Variants in SPOCK1 observed in about 807,000 individuals in gnomAD.
SPOCK1 encodes testican-1.
Under a neutral mutation model 55.3 loss-of-function variants are expected in SPOCK1, and 23 were observed. The observed-to-expected ratio is 0.42, with a 90% CI of 0.30 to 0.59. SPOCK1 has a LOEUF of 0.59. Ranked by LOEUF, SPOCK1 falls within the 20% of genes least tolerant of loss-of-function variation. The pLI, the probability that SPOCK1 is intolerant of heterozygous loss-of-function variation, is 0.22. For missense variants in SPOCK1, 499 were observed against 552.5 expected (o/e 0.90, Z 0.97); for synonymous variants, 226 against 221.0 (o/e 1.02, Z -0.20).
At chr5:136,996,829 CA>C (rs1270610964) in intron 6 of SPOCK1, among the ~76,000 whole-genome samples, 5 of 152,012 alleles carry the variant, frequency 3.3e-5, no homozygotes, top group Admixed American at 6.5e-5. Flanking sequence ...TGGGAGGGGA[CA>C]AATAAAGGAA....
intron 2 of SPOCK1, among the ~76,000 whole-genome samples, chr5:137,384,228 C>T (rs113846523): frequency 0.085 from 12,987 of 152,228 alleles, 1,258 homozygotes; most frequent in African/African-American, 0.24. Flanking sequence ...GGGAACAAGG[C>T]CTCTGAGGAA....
In SPOCK1 at chr5:137,444,036, A is replaced by G. The variant is rs559223213; in HGVS notation, c.186+54337T>C. Among the ~76,000 whole-genome samples, 3 of 152,204 alleles carry G rather than the reference A, an allele frequency of 2.0e-5. No individual in the cohort carries two copies. The South Asian group carries it at 6.2e-4, about 31-fold the overall frequency. On this transcript the variant is annotated intron_variant, in intron 2 of 10. Transcript: ENST00000394945. ...AACAGGCATAAAGCGTGACACAGTG[A>G]GATGTACAGTCATCCTACCCATGAA...
chr5:137,349,380 A>G lies in SPOCK1; in HGVS notation c.187-82325T>C, dbSNP rs138532089. 1.1e-3 allele frequency among the ~76,000 whole-genome samples: 166 copies of G among 152,342 alleles called. 4 individuals carry two copies. The highest frequency in any genetic ancestry group is 0.01 in the Middle Eastern group (3 of 294). On this transcript the variant is annotated intron_variant, in intron 2 of 10. Transcript: ENST00000394945. ...GAGTTCCTAACTTCAAGCCAGCCCA[A>G]TTCTTGGGACTGAAGATTCAGGTTT...
chr5:137,397,553 C>T (rs1751879382), intron 2 of SPOCK1, among the ~76,000 whole-genome samples: 1 of 152,190 alleles, frequency 6.6e-6, no homozygotes, highest in South Asian at 2.1e-4. Context: ...TGTCCTCTCG[C>T]TCCTCACAAC....
intron 2 of SPOCK1, among the ~76,000 whole-genome samples, chr5:137,295,561 T>C (rs1032136158): frequency 9.2e-5 from 14 of 152,208 alleles, no homozygotes; most frequent in African/African-American, 2.7e-4. Context: ...ACAATTGCAA[T>C]GAAGGCTGAG....
At chr5:137,323,232 T>C (rs1758011672) in intron 2 of SPOCK1, among the ~76,000 whole-genome samples, 1 of 152,180 alleles carries the variant, frequency 6.6e-6, no homozygotes, top group Admixed American at 6.5e-5. Flanking sequence ...TCAAAAGACA[T>C]AGGGTAGTTT....
At chr5:136,984,584 G>A (rs1286188593) in intron 9 of SPOCK1, among the ~76,000 whole-genome samples, 1 of 152,200 alleles carries the variant, frequency 6.6e-6, no homozygotes, top group Non-Finnish European at 1.5e-5. Context: ...AGTTGTGCAT[G>A]TTAGGGGAAC....
intron 2 of SPOCK1, among the ~76,000 whole-genome samples, chr5:137,423,215 T>C (rs971875434): frequency 1.3e-5 from 2 of 152,188 alleles, no homozygotes; most frequent in African/African-American, 4.8e-5. Flanking sequence ...GCCTCCCAGT[T>C]AGGCTACTTA....
intron 2 of SPOCK1, among the ~76,000 whole-genome samples, chr5:137,348,492 G>A (rs1750609222): frequency 6.6e-6 from 1 of 152,188 alleles, no homozygotes; most frequent in East Asian, 1.9e-4. Flanking sequence ...GGGTGCGGCA[G>A]GGGCATAGCG....
intron 2 of SPOCK1, among the ~76,000 whole-genome samples, chr5:137,270,060 C>T (rs1004097644): frequency 1.3e-5 from 2 of 152,204 alleles, no homozygotes; most frequent in South Asian, 2.1e-4. Context: ...TGCCCCGGCA[C>T]GATCCCAGTG....
chr5:137,473,891 G>T (rs1235875730), intron 2 of SPOCK1, among the ~76,000 whole-genome samples: 2 of 152,152 alleles, frequency 1.3e-5, no homozygotes, highest in Non-Finnish European at 2.9e-5. Flanking sequence ...GTATATATAC[G>T]ATGGAATACT....
chr5:137,451,901 A>C (rs1202825709), intron 2 of SPOCK1, among the ~76,000 whole-genome samples: 3 of 152,246 alleles, frequency 2.0e-5, no homozygotes, highest in Admixed American at 1.3e-4. Flanking sequence ...TTTAGACCCT[A>C]AAGGTTGAGT....
chr5:137,037,190 G>A (rs1421263223), intron 6 of SPOCK1, among the ~76,000 whole-genome samples: 1 of 151,910 alleles, frequency 6.6e-6, no homozygotes, highest in African/African-American at 2.4e-5. Flanking sequence ...ACCAGAAGGA[G>A]ATGCCTCTGA....
intron 10 of SPOCK1, 41 bp downstream of exon 10, chr5:136,979,291 A>C: frequency 3.1e-6 from 5 of 1,612,540 alleles, no homozygotes; most frequent in Non-Finnish European, 4.2e-6. Context: ...ACCACAGGCC[A>C]CCCAGGTCAT....
chr5:136,982,726 G>A (rs1750755112), intron 9 of SPOCK1, among the ~76,000 whole-genome samples: 1 of 151,932 alleles, frequency 6.6e-6, no homozygotes, highest in Non-Finnish European at 1.5e-5. Flanking sequence ...ATTGGTCTTA[G>A]CAGAATTGTC....
chr5:137,177,942 G>A (rs540445085), intron 3 of SPOCK1, among the ~76,000 whole-genome samples: 9 of 152,272 alleles, frequency 5.9e-5, no homozygotes, highest in Admixed American at 2.0e-4. Context: ...CTAGGAAAAG[G>A]TGAGGACAAG....
intron 3 of SPOCK1, among the ~76,000 whole-genome samples, chr5:137,141,640 T>C (rs1201206636): frequency 6.6e-6 from 1 of 152,240 alleles, no homozygotes; most frequent in African/African-American, 2.4e-5. Flanking sequence ...GATCAATTTC[T>C]AGGGCAAGGA....
intron 2 of SPOCK1, among the ~76,000 whole-genome samples, chr5:137,458,448 C>T (rs1753412808): frequency 6.6e-6 from 1 of 152,204 alleles, no homozygotes; most frequent in South Asian, 2.1e-4. Flanking sequence ...GTATTAAATA[C>T]TGCCTGGGGC....
chr5:137,146,069 C>T (rs1056614555), intron 3 of SPOCK1, among the ~76,000 whole-genome samples: 2 of 152,120 alleles, frequency 1.3e-5, no homozygotes, highest in African/African-American at 4.8e-5. Flanking sequence ...AGACTAAAGT[C>T]GGGGGAGAGG....
Sources: gnomAD v4.1 joint callset for allele counts (sites outside exome capture counted in the v4.1 genomes callset) on GRCh38, gnomAD v4.1.1 for gene constraint, MANE v1.5 for transcripts, NCBI Gene and HGNC (gene_info 2026-07-23, HGNC 2026-07-21) for gene names.